LOC400499: variants seen among roughly 807,000 people sequenced by gnomAD.
the LOC400499 span, among the ~76,000 whole-genome samples, chr16:11,434,053 G>A: frequency 6.6e-6 from 1 of 152,136 alleles, no homozygotes; most frequent in Non-Finnish European, 1.5e-5. Context: ...AGAAGCAGAG[G>A]GAGGACAGGA....
chr16:11,443,376 G>A, the LOC400499 span: 1 of 412,428 alleles, frequency 2.4e-6, no homozygotes, highest in Non-Finnish European at 4.6e-6. Flanking sequence ...AGGGGTCTGT[G>A]CATGAACCTG....
chr16:11,396,341 C>G, the LOC400499 span: 22 of 626,250 alleles, frequency 3.5e-5, no homozygotes, highest in Non-Finnish European at 4.8e-5. Context: ...GGCGTTCCCC[C>G]GACCCAGAAT....
chr16:11,423,910 G>A, the LOC400499 span, among the ~76,000 whole-genome samples: 1 of 152,216 alleles, frequency 6.6e-6, no homozygotes, highest in Non-Finnish European at 1.5e-5. Context: ...AGAGGCCATG[G>A]TGCAGCCCCA....
chr16:11,400,491 A>G, the LOC400499 span, among the ~76,000 whole-genome samples: 1 of 146,212 alleles, frequency 6.8e-6, no homozygotes, highest in East Asian at 2.0e-4. Flanking sequence ...ACCAGGCTGG[A>G]GTGCAGTGGC....
chr16:11,419,432 C>G, the LOC400499 span, among the ~76,000 whole-genome samples: 2 of 151,732 alleles, frequency 1.3e-5, no homozygotes, highest in Non-Finnish European at 2.9e-5. Context: ...TTCCTTACAC[C>G]TTATACAAAA....
the LOC400499 span, chr16:11,390,124 G>C: frequency 7.3e-6 from 9 of 1,232,296 alleles, no homozygotes; most frequent in Non-Finnish European, 9.1e-6. Context: ...AGGCTGTACA[G>C]GTCCAGCAGT....
At chr16:11,392,339 C>T in the LOC400499 span, 1 of 399,038 alleles carries the variant, frequency 2.5e-6, no homozygotes, top group Admixed American at 4.4e-5. Flanking sequence ...CAGCAGGCCC[C>T]CCTGGCAGCC....
chr16:11,507,512 A>T, the LOC400499 span, among the ~76,000 whole-genome samples: 9 of 152,184 alleles, frequency 5.9e-5, no homozygotes, highest in Non-Finnish European at 1.3e-4. Context: ...TAAACTCTTC[A>T]AGCTTCAGTT....
the LOC400499 span, among the ~76,000 whole-genome samples, chr16:11,394,764 C>G: frequency 5.3e-5 from 8 of 152,160 alleles, no homozygotes; most frequent in African/African-American, 1.7e-4. Context: ...TGGTGTGATG[C>G]CACCACAGCC....
chr16:11,471,701 C>T, the LOC400499 span: 2 of 399,142 alleles, frequency 5.0e-6, no homozygotes, highest in South Asian at 2.5e-4. Flanking sequence ...TGTCGGAGCC[C>T]CGGGTCCCGT....
chr16:11,411,235 G>A, the LOC400499 span: 3,339 of 399,410 alleles, frequency 8.4e-3, 119 homozygotes, highest in African/African-American at 0.063. Context: ...AGGCAGCTGG[G>A]GCACAGTTAC....
At chr16:11,526,327 C>G in the LOC400499 span, among the ~76,000 whole-genome samples, 1 of 152,130 alleles carries the variant, frequency 6.6e-6, no homozygotes, top group African/African-American at 2.4e-5. Flanking sequence ...TCCCAGCACT[C>G]TGGGAGGATC....
the LOC400499 span, among the ~76,000 whole-genome samples, chr16:11,418,431 A>C: frequency 0.15 from 22,698 of 152,182 alleles, 2,200 homozygotes; most frequent in African/African-American, 0.28. Context: ...CAAACCAAGA[A>C]GGTGACAAGA....
chr16:11,412,117 G>A, the LOC400499 span, among the ~76,000 whole-genome samples: 53 of 152,038 alleles, frequency 3.5e-4, no homozygotes, highest in African/African-American at 1.1e-3. Context: ...CTCCCACCTC[G>A]ACCTCCCAAA....
the LOC400499 span, among the ~76,000 whole-genome samples, chr16:11,525,292 C>CAA: frequency 1.6e-5 from 2 of 124,998 alleles, no homozygotes. Flanking sequence ...GACCTTGTCC[C>CAA]AAAAAAAAAA....
chr16:11,394,644 T>TGAAGTAATCA, the LOC400499 span, among the ~76,000 whole-genome samples: 8 of 152,144 alleles, frequency 5.3e-5, no homozygotes, highest in Non-Finnish European at 1.0e-4. Flanking sequence ...GTTGAGGCCA[T>TGAAGTAATCA]AGTGGATGAA....
the LOC400499 span, chr16:11,516,314 G>A: frequency 1.3e-5 from 5 of 399,242 alleles, no homozygotes; most frequent in African/African-American, 6.2e-5. Flanking sequence ...GGCACTGCAG[G>A]AGGGCGGACA....
the LOC400499 span, among the ~76,000 whole-genome samples, chr16:11,396,881 T>G: frequency 6.6e-6 from 1 of 152,294 alleles, no homozygotes; most frequent in African/African-American, 2.4e-5. Flanking sequence ...TGCTTTGTTG[T>G]CCCAACCTCA....
the LOC400499 span, among the ~76,000 whole-genome samples, chr16:11,452,375 C>G: frequency 3.4e-4 from 51 of 152,164 alleles, no homozygotes; most frequent in African/African-American, 1.2e-3. Flanking sequence ...TGGATCAGAA[C>G]CAGAAGAGAG....
Sources: gnomAD v4.1 joint callset for allele counts (sites outside exome capture counted in the v4.1 genomes callset) on GRCh38, gnomAD v4.1.1 for gene constraint, MANE v1.5 for transcripts.